Variants in SNRPN observed in about 807,000 individuals in gnomAD.
The protein encoded by SNRPN is small nuclear ribonucleoprotein polypeptide N.
SNRPN carries 7 observed loss-of-function variants against 25.2 expected under a neutral mutation model. The observed-to-expected ratio is 0.28, with a 90% CI of 0.16 to 0.52. SNRPN has a LOEUF of 0.52. Ranked by LOEUF, SNRPN falls within the 20% of genes least tolerant of loss-of-function variation. The pLI is 0.96. For missense variants in SNRPN, 196 were observed against 322.5 expected, an observed-to-expected ratio of 0.61 and a Z score of 3.00; for synonymous variants, 124 against 110.6, an observed-to-expected ratio of 1.12 and a Z score of -0.76.
At chr15:24,824,577 G>A (rs748732894) in intron 1 of SNRPN, among the ~76,000 whole-genome samples, 1 of 152,058 alleles carries the variant, frequency 6.6e-6, no homozygotes, top group Non-Finnish European at 1.5e-5. Context: ...TATTTTAATA[G>A]TATCATCTTG....
At chr15:24,943,483 ACTT>A (rs1250088895) in intron 3 of SNRPN, among the ~76,000 whole-genome samples, 1 of 152,078 alleles carries the variant, frequency 6.6e-6, no homozygotes, top group Non-Finnish European at 1.5e-5. Context: ...CATTTGAGCC[ACTT>A]CTTCATGTGA....
chr15:24,888,766 C>T (rs2057397360), intron 2 of SNRPN, among the ~76,000 whole-genome samples: 1 of 152,122 alleles, frequency 6.6e-6, no homozygotes, highest in Admixed American at 6.6e-5. Flanking sequence ...AACCTAGTTT[C>T]CTCGTAAACA....
intron 2 of SNRPN, among the ~76,000 whole-genome samples, chr15:24,834,767 A>C (rs1228988895): frequency 3.8e-4 from 34 of 90,606 alleles, no homozygotes; most frequent in African/African-American, 1.1e-3. Flanking sequence ...ATATATATAT[A>C]TATATATATA....
chr15:24,976,937 G>A lies in SNRPN; in HGVS notation c.328G>A (p.Ala110Thr). The A allele has an allele frequency of 3.1e-6, 5 of 1,608,602 alleles. No individual in the cohort carries two copies. The highest frequency in any genetic ancestry group is 4.2e-6 in the Non-Finnish European group (5 of 1,178,406). ...AAGGPGVGRA[A>T]GRGVPAGVPI... is the part of the protein sequence containing the mutation. ...TGGAGGCCCTGGGGTTGGTAGGGCA[G>A]CTGGTAGAGGAGTACCAGCTGGTGT... is the stretch of plus-strand genomic sequence containing the variant. Residue 110 changes from alanine (A) to threonine (T), a missense_variant, in exon 7 of 10, where the codon GCT becomes ACT. Transcript: ENST00000390687.
At chr15:24,925,866 C>T (rs1267971207) in intron 3 of SNRPN, among the ~76,000 whole-genome samples, 1 of 151,994 alleles carries the variant, frequency 6.6e-6, no homozygotes, top group Non-Finnish European at 1.5e-5. Context: ...CTCAGCCTCC[C>T]GAGTAGCGGT....
At chr15:24,829,383 G>A (rs538217859) in intron 1 of SNRPN, among the ~76,000 whole-genome samples, 1 of 152,180 alleles carries the variant, frequency 6.6e-6, no homozygotes, top group South Asian at 2.1e-4. Flanking sequence ...CCAGCAAACA[G>A]GGCAGGGAAA....
rs1566921436 is a variant in SNRPN, at chr15:24,927,475, A to ATTTTTTTTTTTTTT, written c.-391+7351_-391+7352insTTTTTTTTTTTTTT. 1.7e-3 allele frequency among the ~76,000 whole-genome samples: 190 copies of ATTTTTTTTTTTTTT among 113,298 alleles called. 43 individuals are homozygous for ATTTTTTTTTTTTTT. The highest frequency in any genetic ancestry group is 0.015 in the East Asian group (49 of 3,298). 74.3% of individuals were successfully genotyped at this position (113,298 alleles called of 152,430 possible). On this transcript the variant is annotated intron_variant, in intron 3 of 11. Coordinates refer to the SNRPN transcript ENST00000400097. ...TTTCCCACTGCTTATAAAGTTTTTA[A>ATTTTTTTTTTTTTT]ATTTTTTTTTTTTTTTTTTTTTTTT...
intron 2 of SNRPN, among the ~76,000 whole-genome samples, chr15:24,918,130 T>C (rs1390493376): frequency 1.3e-5 from 2 of 151,840 alleles, no homozygotes; most frequent in East Asian, 3.9e-4. Flanking sequence ...TACGTATCTG[T>C]ATGTGCATAT....
chr15:24,925,880 G>A (rs1303632257), intron 3 of SNRPN, among the ~76,000 whole-genome samples: 2 of 151,846 alleles, frequency 1.3e-5, no homozygotes, highest in Non-Finnish European at 1.5e-5. Flanking sequence ...TAGCGGTAGC[G>A]CCCGCAACCA....
rs1238548522 is a variant in SNRPN at position 24,946,180 on chromosome 15, T to C, written c.-390-15934T>C. On this transcript the variant is annotated intron_variant, in intron 3 of 11. Coordinates refer to the SNRPN transcript ENST00000400097. ...TTGGCTTGAATCTGGGCTCAAATGC[T>C]TGAGAGCTGTGTGACTTTGAGTACG... 2.0e-5 allele frequency among the ~76,000 whole-genome samples: 3 copies of C among 152,296 alleles called. No individual in the cohort carries two copies. The East Asian group carries it at 5.8e-4, about 29-fold the overall frequency.
intron 3 of SNRPN, among the ~76,000 whole-genome samples, chr15:24,925,938 G>A (rs1278129635): frequency 6.6e-6 from 1 of 152,136 alleles, no homozygotes; most frequent in Non-Finnish European, 1.5e-5. Context: ...GTTTCACTGT[G>A]TTAGGCAGGA....
chr15:24,868,473 C>T (rs2054799477), intron 1 of SNRPN, among the ~76,000 whole-genome samples: 1 of 152,168 alleles, frequency 6.6e-6, no homozygotes, highest in Non-Finnish European at 1.5e-5. Flanking sequence ...TTTTACATAG[C>T]ATAATTACCC....
chr15:24,923,205 T>G (rs1454778947), intron 3 of SNRPN, among the ~76,000 whole-genome samples: 1 of 152,160 alleles, frequency 6.6e-6, no homozygotes, highest in Non-Finnish European at 1.5e-5. Flanking sequence ...CATGCGCGGC[T>G]GCAGATCCCT....
intron 1 of SNRPN, among the ~76,000 whole-genome samples, chr15:24,871,799 G>T (rs996367432): frequency 2.1e-5 from 3 of 141,556 alleles, no homozygotes; most frequent in Non-Finnish European, 3.1e-5. Context: ...CCGCCTCCCC[G>T]GTTCACACCA....
At chr15:24,846,372 C>T (rs955013545) in intron 2 of SNRPN, among the ~76,000 whole-genome samples, 5 of 152,032 alleles carry the variant, frequency 3.3e-5, no homozygotes, top group African/African-American at 7.3e-5. Context: ...TAGTGGCAGC[C>T]ATGTGGTATA....
chr15:24,875,378 A>G (rs1390168771), intron 1 of SNRPN, among the ~76,000 whole-genome samples: 1 of 152,174 alleles, frequency 6.6e-6, no homozygotes, highest in Non-Finnish European at 1.5e-5. Flanking sequence ...ATACATCCTA[A>G]GTCTAGTTTC....
Position 24,974,517 on chromosome 15 carries a change from G to T in SNRPN, c.3+61G>T, listed in dbSNP as rs370233592. ...CTGTAAGGGCCGAAAGAAATAGTTT[G>T]CCAGCATGTGCAGTGATCTTGGGTT... is the stretch of plus-strand genomic sequence containing the variant. On this transcript the variant is annotated intron_variant, in intron 4 of 9. Coordinates refer to ENST00000390687, the MANE Select transcript of SNRPN (RefSeq NM_003097.6). 4 of 1,509,290 alleles carry T rather than the reference G, an allele frequency of 2.7e-6. No homozygotes were observed. The African/African-American group carries it at 5.5e-5, about 21-fold the overall frequency. 93.5% of individuals were successfully genotyped at this position (1,509,290 alleles called of 1,614,324 possible). A position where few individuals can be genotyped will look rare whatever the true frequency, so the allele number is the denominator to read the frequency against.
In SNRPN at chr15:24,884,148, C is replaced by CAAAAAAAAAAAAAAAAAA. The variant is rs61039873; in HGVS notation, c.-578-2352_-578-2351insAAAAAAAAAAAAAAAAAA. 3.9e-4 allele frequency among the ~76,000 whole-genome samples: 41 copies of CAAAAAAAAAAAAAAAAAA among 104,834 alleles called. 1 individual carries two copies. The highest frequency in any genetic ancestry group is 1.4e-3 in the African/African-American group (37 of 25,870). 68.8% of individuals were successfully genotyped at this position (104,834 alleles called of 152,430 possible). A position where few individuals can be genotyped will look rare whatever the true frequency, so the allele number is the denominator to read the frequency against. On this transcript the variant is annotated intron_variant, in intron 1 of 11. Coordinates refer to the SNRPN transcript ENST00000400097. ...GCAACATGGCATAACCCTGCCTCTACAAAAAAAAAAAAAAAAGATCTATAT... is the reference window on the plus strand; with the variant it reads ...GCAACATGGCATAACCCTGCCTCTACAAAAAAAAAAAAAAAAAAAAAAAAAAAAAAAAAAGATCTATAT...
At chr15:24,887,491 G>T (rs1398494994) in intron 2 of SNRPN, among the ~76,000 whole-genome samples, 4 of 150,994 alleles carry the variant, frequency 2.6e-5, no homozygotes, top group Non-Finnish European at 5.9e-5. Context: ...CTCTGGCCAT[G>T]AGCATCAGTC....
Sources: gnomAD v4.1 joint callset for allele counts (sites outside exome capture counted in the v4.1 genomes callset) on GRCh38, gnomAD v4.1.1 for gene constraint, MANE v1.5 for transcripts, NCBI Gene and HGNC (gene_info 2026-07-23, HGNC 2026-07-21) for gene names.